DMD: variants seen among roughly 807,000 people sequenced by gnomAD.
DMD encodes the protein mutant dystrophin.
A neutral mutation model predicts 330.1 loss-of-function variants in DMD; 63 were observed. That is an observed-to-expected ratio of 0.19 (90% confidence interval 0.16 to 0.24). The LOEUF is 0.24. Ranked by LOEUF, DMD falls within the 10% of genes least tolerant of loss-of-function variation. The pLI, the probability that DMD is intolerant of heterozygous loss-of-function variation, is 1.00. For missense variants in DMD, 3,344 were observed against 2,684.1 expected (o/e 1.25, Z -5.43); for synonymous variants, 1,223 against 959.8 (o/e 1.27, Z -5.07).
chrX:31,341,721 T>C (rs771613026), intron 61 of DMD, among the ~76,000 whole-genome samples: 8 of 111,447 alleles, frequency 7.2e-5, no homozygotes, highest in Non-Finnish European at 1.5e-4. Context: ...GTATTATAAC[T>C]ATCTTTGTGA....
At chrX:31,567,226 T>C (rs1235711040) in intron 55 of DMD, among the ~76,000 whole-genome samples, 1 of 111,806 alleles carries the variant, frequency 8.9e-6, no homozygotes, top group African/African-American at 3.2e-5. Context: ...TGCTTTATTG[T>C]AGTGTCTGGA....
intron 1 of DMD, among the ~76,000 whole-genome samples, chrX:33,278,467 A>G (rs1209406241): frequency 8.9e-6 from 1 of 111,790 alleles, no homozygotes; most frequent in Admixed American, 9.5e-5. Flanking sequence ...TTCGCTTAGG[A>G]TAATGTCCTC....
rs1287167398 is a variant in DMD at position 32,340,179 on chromosome X, C to G, written c.5922+1921G>C. Among the ~76,000 whole-genome samples the G allele has an allele frequency of 1.6e-4, 18 of 111,624 alleles. No individual in the cohort carries two copies. The Admixed American group carries it at 1.6e-3, about 10-fold the overall frequency. The stretch of plus-strand genomic sequence containing the variant: ...ATCATCTATCAATTATCCCTCAGTT[C>G]TAATTAAAATACGATGCCAAATATA... On this transcript the variant is annotated intron_variant, in intron 41 of 78. Transcript: ENST00000357033.
At chrX:32,640,607 C>T (rs778949146) in intron 11 of DMD, among the ~76,000 whole-genome samples, 7 of 110,450 alleles carry the variant, frequency 6.3e-5, no homozygotes, top group Non-Finnish European at 1.3e-4. Flanking sequence ...AGCACTTTTA[C>T]TGTCAAAAGG....
intron 1 of DMD, among the ~76,000 whole-genome samples, chrX:33,232,998 GC>G (rs1019618903): frequency 9.0e-6 from 1 of 111,305 alleles, no homozygotes; most frequent in Non-Finnish European, 1.9e-5. Flanking sequence ...GGAGGAAGAA[GC>G]TTTAGTGATC....
At chrX:32,669,759 A>T (rs780950804) in intron 9 of DMD, among the ~76,000 whole-genome samples, 1 of 111,041 alleles carries the variant, frequency 9.0e-6, no homozygotes, top group Non-Finnish European at 1.9e-5. Context: ...CTCTCCATTC[A>T]GCTTCATAAG....
At chrX:33,315,912 T>A (rs1435919401) in intron 1 of DMD, among the ~76,000 whole-genome samples, 1 of 111,245 alleles carries the variant, frequency 9.0e-6, no homozygotes, top group African/African-American at 3.3e-5. Context: ...GTTTTTTTTT[T>A]AATATTGTCA....
chrX:31,377,589 C>A (rs2059943422), intron 60 of DMD, among the ~76,000 whole-genome samples: 1 of 112,089 alleles, frequency 8.9e-6, no homozygotes. Context: ...AGGTCTGCAG[C>A]CATATTACCT....
chrX:32,667,660 G>A (rs184998738), intron 9 of DMD, among the ~76,000 whole-genome samples: 1 of 111,136 alleles, frequency 9.0e-6, no homozygotes, highest in African/African-American at 3.3e-5. Flanking sequence ...AACATTATGT[G>A]ACAGAAAAGA....
At position 31,886,325 on chromosome X, in the gene DMD, C is replaced by T. The variant is rs187118183; in HGVS notation, c.6913-10952G>A. 3.6e-3 allele frequency among the ~76,000 whole-genome samples: 403 copies of T among 110,532 alleles called. 1 individual carries two copies. The highest frequency in any genetic ancestry group is 0.013 in the African/African-American group (384 of 30,546). On this transcript the variant is annotated intron_variant, in intron 47 of 78. Transcript: ENST00000357033. ...ATTCTTATAATTTTAATTTAAAAGC[C>T]ATAAAGTAATGACTTACATTCATAG...
At chrX:31,482,873 G>T (rs67017222) in intron 57 of DMD, among the ~76,000 whole-genome samples, 16,677 of 109,191 alleles carry the variant, frequency 0.15, 1,311 homozygotes, top group African/African-American at 0.3. Context: ...GTCCAGCATT[G>T]AGTTTTTCAG....
intron 44 of DMD, among the ~76,000 whole-genome samples, chrX:32,202,184 T>C (rs1051813721): frequency 1.8e-5 from 2 of 111,420 alleles, no homozygotes; most frequent in African/African-American, 6.5e-5. Context: ...TAGTCTCCTT[T>C]GGCAGCAAGA....
chrX:32,965,270 T>C lies in DMD; in HGVS notation c.93+54869A>G, dbSNP rs1171486960. On this transcript the variant is annotated intron_variant, in intron 2 of 78. Coordinates refer to ENST00000357033, the MANE Select transcript of DMD (RefSeq NM_004006.3). ...ACTTTGAGGGGCCAAGGTGGGCGGA[T>C]CATTTGAGGTCAGGAGTTCAAGACC... 3.6e-5 allele frequency among the ~76,000 whole-genome samples: 4 copies of C among 111,346 alleles called. No individual in the cohort carries two copies. In the Admixed American group the frequency reaches 3.8e-4, roughly 11 times the overall value.
intron 57 of DMD, among the ~76,000 whole-genome samples, chrX:31,484,765 C>T (rs762252873): frequency 9.0e-6 from 1 of 111,701 alleles, no homozygotes; most frequent in Admixed American, 9.5e-5. Context: ...TACTGGCCAA[C>T]CGGGTGACTG....
chrX:31,713,537 C>G (rs1463843560), intron 52 of DMD, among the ~76,000 whole-genome samples: 2 of 111,617 alleles, frequency 1.8e-5, no homozygotes, highest in Admixed American at 9.6e-5. Flanking sequence ...TTATAAATCC[C>G]TTTTCCAATG....
chrX:32,657,226 C>G (rs904172277), intron 9 of DMD, among the ~76,000 whole-genome samples: 17 of 111,168 alleles, frequency 1.5e-4, no homozygotes, highest in Non-Finnish European at 1.9e-5. Flanking sequence ...AAGAAATAAG[C>G]ACTGTTATGG....
chrX:33,146,097 T>C (rs1029398583), intron 1 of DMD, among the ~76,000 whole-genome samples: 14 of 110,415 alleles, frequency 1.3e-4, no homozygotes, highest in Admixed American at 7.8e-4. Context: ...GATTTCACCA[T>C]ATTGGCCAGG....
intron 51 of DMD, among the ~76,000 whole-genome samples, chrX:31,750,312 G>C (rs1280175325): frequency 9.5e-6 from 1 of 105,480 alleles, no homozygotes; most frequent in Non-Finnish European, 2.0e-5. Context: ...ATCTTGAATT[G>C]ATTTTTGTAT....
Position 32,638,896 on chromosome X carries a change from G to A in DMD, c.1331+5236C>T, listed in dbSNP as rs1189445219. 4.7e-4 allele frequency among the ~76,000 whole-genome samples: 51 copies of A among 108,019 alleles called. 1 individual carries two copies. Among genetic ancestry groups the A allele is most frequent in the Admixed American group, 9.9e-5 (1 of 10,134 alleles). 93.8% of individuals were successfully genotyped at this position (108,019 alleles called of 115,157 possible). ...TCCAGAGTCAAATAGACACTTGGGG[G>A]AAAAAAAAAGAGATGAGCCATATTT... On this transcript the variant is annotated intron_variant, in intron 11 of 78. Coordinates refer to ENST00000357033, the MANE Select transcript of DMD (RefSeq NM_004006.3).
Sources: allele counts gnomAD v4.1 joint callset (sites outside exome capture counted in the v4.1 genomes callset), GRCh38; gene constraint gnomAD v4.1.1; transcripts MANE v1.5; gene names NCBI Gene and HGNC (gene_info 2026-07-23, HGNC 2026-07-21).